Variants in CCDC148 observed in about 807,000 individuals in gnomAD.
The protein encoded by CCDC148 is coiled-coil domain-containing protein 148.
CCDC148 carries 89 observed loss-of-function variants against 85.7 expected under a neutral mutation model. The ratio of observed to expected loss-of-function variants is 1.04; its 90% CI spans 0.87 to 1.24. The LOEUF is 1.24. Ranked by LOEUF, CCDC148 falls within the 50% of genes most tolerant of loss-of-function variation. The pLI is 0.00. For missense variants in CCDC148, 692 were observed against 671.7 expected (o/e 1.03, Z -0.33); for synonymous variants, 230 against 213.9 (o/e 1.08, Z -0.66).
chr2:158,453,918 T>C (rs1218667275), intron 1 of CCDC148, among the ~76,000 whole-genome samples: 2 of 152,114 alleles, frequency 1.3e-5, no homozygotes, highest in Non-Finnish European at 2.9e-5. Flanking sequence ...CCACCCCTAC[T>C]TTCCAGCACT....
intron 1 of CCDC148, among the ~76,000 whole-genome samples, chr2:158,412,363 A>T (rs1686299656): frequency 6.6e-6 from 1 of 152,132 alleles, no homozygotes; most frequent in African/African-American, 2.4e-5. Flanking sequence ...TTTTTGAAGG[A>T]GATGAGGAAT....
chr2:158,394,449 G>C (rs1685441558), intron 1 of CCDC148, among the ~76,000 whole-genome samples: 1 of 152,034 alleles, frequency 6.6e-6, no homozygotes, highest in Admixed American at 6.6e-5. Context: ...TTACAAGAAG[G>C]CATGAGCAAA....
intron 9 of CCDC148, among the ~76,000 whole-genome samples, chr2:158,252,791 G>A (rs1010114395): frequency 1.3e-5 from 2 of 151,710 alleles, no homozygotes; most frequent in African/African-American, 4.8e-5. Flanking sequence ...TTCATTCTAT[G>A]TTTCTGACCA....
chr2:158,372,782 A>G (rs1559106277), intron 1 of CCDC148, among the ~76,000 whole-genome samples: 1 of 151,998 alleles, frequency 6.6e-6, no homozygotes, highest in Admixed American at 6.6e-5. Flanking sequence ...CTGACCTACC[A>G]AATGGTTTCT....
At chr2:158,193,405 C>G (rs1210342715) in intron 11 of CCDC148, among the ~76,000 whole-genome samples, 1 of 152,088 alleles carries the variant, frequency 6.6e-6, no homozygotes, top group East Asian at 1.9e-4. Flanking sequence ...TCCAACATAA[C>G]ATCAGCTATG....
chr2:158,446,102 C>A (rs554557252), intron 1 of CCDC148, among the ~76,000 whole-genome samples: 2 of 152,266 alleles, frequency 1.3e-5, no homozygotes, highest in South Asian at 2.1e-4. Flanking sequence ...AATCCCAACA[C>A]TTTGGGAGGC....
At chr2:158,453,896 C>A (rs1688501604) in intron 1 of CCDC148, among the ~76,000 whole-genome samples, 1 of 152,190 alleles carries the variant, frequency 6.6e-6, no homozygotes, top group African/African-American at 2.4e-5. Context: ...AGCCTGAGCA[C>A]AGGCCCTCTC....
chr2:158,250,819 G>T lies in CCDC148; in HGVS notation c.1204C>A (p.Leu402Met). 6.3e-7 allele frequency: 1 copy of T among 1,595,038 alleles called. No individual in the cohort carries two copies. ...RREKEEEKEK[L>M]WKKKELLQRA... ...TGCAACAATTCCTTCTTCTTCCACA[G>T]TTTCTCTTTCTCCTCTTCCTTTTCT... The change falls in exon 10 of 14, where the codon CTG (leucine) becomes ATG (methionine). Residue 402 changes from leucine (L) to methionine (M), a missense_variant. Leu to Met is a conservative substitution (Grantham distance 15, BLOSUM62 2). Coordinates refer to ENST00000283233, the MANE Select transcript of CCDC148 (RefSeq NM_138803.4).
At chr2:158,379,866 G>A (rs1206842623) in intron 1 of CCDC148, among the ~76,000 whole-genome samples, 1 of 152,124 alleles carries the variant, frequency 6.6e-6, no homozygotes, top group Non-Finnish European at 1.5e-5. Flanking sequence ...GGAAAACCAA[G>A]ATTCATGCCA....
intron 9 of CCDC148, among the ~76,000 whole-genome samples, chr2:158,281,029 T>C (rs867599975): frequency 4.6e-5 from 7 of 152,216 alleles, no homozygotes; most frequent in Non-Finnish European, 5.9e-5. Context: ...GATTGATTAC[T>C]GGGTACATAA....
chr2:158,438,627 G>T (rs1687781685), intron 1 of CCDC148, among the ~76,000 whole-genome samples: 3 of 152,076 alleles, frequency 2.0e-5, no homozygotes, highest in Admixed American at 1.3e-4. Flanking sequence ...TGACAAATGG[G>T]ATCTAATTAA....
intron 11 of CCDC148, among the ~76,000 whole-genome samples, chr2:158,194,084 G>A (rs1230943263): frequency 1.3e-5 from 2 of 151,880 alleles, no homozygotes; most frequent in African/African-American, 2.4e-5. Flanking sequence ...AAGACATTTA[G>A]TATAAAAATA....
intron 9 of CCDC148, among the ~76,000 whole-genome samples, chr2:158,254,188 T>G (rs901068008): frequency 2.6e-5 from 4 of 151,730 alleles, no homozygotes; most frequent in Non-Finnish European, 5.9e-5. Flanking sequence ...GAAAAGAAAT[T>G]ATGAGATAAT....
intron 7 of CCDC148, among the ~76,000 whole-genome samples, chr2:158,332,138 C>G (rs962307105): frequency 2.6e-5 from 4 of 152,088 alleles, no homozygotes; most frequent in African/African-American, 4.8e-5. Flanking sequence ...TTTGCAGTGG[C>G]TGGTACTGGT....
At chr2:158,241,180 CAT>C (rs1349121081) in intron 10 of CCDC148, among the ~76,000 whole-genome samples, 1 of 152,192 alleles carries the variant, frequency 6.6e-6, no homozygotes, top group Non-Finnish European at 1.5e-5. Flanking sequence ...TCACACTCTA[CAT>C]GTGTGTGTAC....
chr2:158,231,117 G>A (rs1190422714), intron 10 of CCDC148, among the ~76,000 whole-genome samples: 1 of 152,122 alleles, frequency 6.6e-6, no homozygotes, highest in Non-Finnish European at 1.5e-5. Flanking sequence ...CAGTGCTGGA[G>A]ACCTAAATTA....
At chr2:158,431,102 T>C (rs1048151036) in intron 1 of CCDC148, among the ~76,000 whole-genome samples, 5 of 151,258 alleles carry the variant, frequency 3.3e-5, no homozygotes, top group African/African-American at 7.3e-5. Context: ...ATACCAAGAA[T>C]ACTAATATAC....
chr2:158,293,153 C>T (rs1690972914), intron 9 of CCDC148, among the ~76,000 whole-genome samples: 1 of 151,272 alleles, frequency 6.6e-6, no homozygotes, highest in African/African-American at 2.4e-5. Context: ...AATAGACACA[C>T]AAACAAGTAT....
intron 1 of CCDC148, among the ~76,000 whole-genome samples, chr2:158,421,881 A>C (rs1339500600): frequency 6.6e-6 from 1 of 151,966 alleles, no homozygotes; most frequent in Admixed American, 6.6e-5. Flanking sequence ...AATCAAATAG[A>C]CGCAATAAAA....
Sources: gnomAD v4.1 joint callset for allele counts (sites outside exome capture counted in the v4.1 genomes callset) on GRCh38, gnomAD v4.1.1 for gene constraint, MANE v1.5 for transcripts, NCBI Gene and HGNC (gene_info 2026-07-23, HGNC 2026-07-21) for gene names.